RAI1: variants seen among roughly 807,000 people sequenced by gnomAD.
RAI1 encodes the protein retinoic acid-induced protein 1.
A neutral mutation model predicts 123.8 loss-of-function variants in RAI1; 9 were observed. The ratio of observed to expected loss-of-function variants is 0.07; its 90% CI spans 0.04 to 0.13. RAI1 has a LOEUF of 0.13. Ranked by LOEUF, RAI1 falls within the 10% of genes least tolerant of loss-of-function variation. RAI1 has a pLI of 1.00. For synonymous variants in RAI1, 1,231 were observed against 1,127.3 expected (o/e 1.09, Z -1.84); for missense variants, 2,256 against 2,545.8 (o/e 0.89, Z 2.45).
chr17:17,744,185 C>T (rs933515895), intron 2 of RAI1, among the ~76,000 whole-genome samples: 3 of 152,176 alleles, frequency 2.0e-5, no homozygotes, highest in Admixed American at 6.5e-5. Context: ...CACCCCTCTT[C>T]GTCATTAATT....
At chr17:17,701,354 C>T (rs1040852920) in intron 1 of RAI1, among the ~76,000 whole-genome samples, 2 of 152,164 alleles carry the variant, frequency 1.3e-5, no homozygotes, top group Non-Finnish European at 2.9e-5. Context: ...TGATGGGAAC[C>T]TCAGGGAAAC....
At chr17:17,778,710 C>T (rs751162719) in intron 2 of RAI1, 27 of 456,698 alleles carry the variant, frequency 5.9e-5, no homozygotes, top group South Asian at 2.0e-4. Context: ...CCTCCCTTTC[C>T]GGAGCAGAGG....
intron 2 of RAI1, among the ~76,000 whole-genome samples, chr17:17,784,960 T>G (rs1237912211): frequency 6.6e-6 from 1 of 152,042 alleles, no homozygotes; most frequent in African/African-American, 2.4e-5. Flanking sequence ...CTTCCCCACA[T>G]AGTTAAGCCC....
At chr17:17,721,138 G>A (rs1443459220) in intron 1 of RAI1, among the ~76,000 whole-genome samples, 1 of 152,074 alleles carries the variant, frequency 6.6e-6, no homozygotes, top group Non-Finnish European at 1.5e-5. Flanking sequence ...TGAGTCTTCC[G>A]ACATGTCCTG....
intron 2 of RAI1, among the ~76,000 whole-genome samples, chr17:17,725,637 G>A (rs1360545753): frequency 6.6e-6 from 1 of 152,152 alleles, no homozygotes; most frequent in Non-Finnish European, 1.5e-5. Flanking sequence ...GAAGAGCGAA[G>A]GGCTAGCTGG....
At chr17:17,792,398 C>G (rs1450051330) in intron 2 of RAI1, among the ~76,000 whole-genome samples, 1 of 152,180 alleles carries the variant, frequency 6.6e-6, no homozygotes, top group Admixed American at 6.5e-5. Context: ...GGGGCAGACC[C>G]TCCTCAGTCC....
chr17:17,718,647 A>T (rs956825123), intron 1 of RAI1, among the ~76,000 whole-genome samples: 2 of 151,994 alleles, frequency 1.3e-5, no homozygotes. Context: ...TTGGTCTGGG[A>T]GACAAAACCG....
In RAI1 at chr17:17,752,970, G is replaced by A. The variant is rs570818275; in HGVS notation, c.-17+28811G>A. ...TGTTGTTGAATGCCTCCATTCATCA[G>A]GTTGCCTGAGGCTTCCTTGGTGGGT... On this transcript the variant is annotated intron_variant, in intron 2 of 5. Coordinates refer to ENST00000353383, the MANE Select transcript of RAI1 (RefSeq NM_030665.4). Among the ~76,000 whole-genome samples, 5 of 152,376 alleles carry A rather than the reference G, an allele frequency of 3.3e-5. No homozygotes were observed. The South Asian group carries it at 6.2e-4, about 19-fold the overall frequency.
chr17:17,696,066 A>C (rs1307688490), intron 1 of RAI1, among the ~76,000 whole-genome samples: 1 of 152,230 alleles, frequency 6.6e-6, no homozygotes. Flanking sequence ...CCCAGTCCTA[A>C]GCATTTTGTT....
intron 3 of RAI1, among the ~76,000 whole-genome samples, chr17:17,803,349 A>G (rs940767339): frequency 1.6e-4 from 25 of 152,246 alleles, no homozygotes; most frequent in Non-Finnish European, 2.9e-4. Flanking sequence ...CAGGGACCAC[A>G]GGGGGCCAGC....
chr17:17,689,721 A>G (rs1009662712), intron 1 of RAI1, among the ~76,000 whole-genome samples: 1 of 152,154 alleles, frequency 6.6e-6, no homozygotes, highest in African/African-American at 2.4e-5. Flanking sequence ...TGGTTCTGTC[A>G]TCTGTAAAAT....
intron 2 of RAI1, among the ~76,000 whole-genome samples, chr17:17,787,471 T>A (rs2031865943): frequency 6.6e-6 from 1 of 152,206 alleles, no homozygotes; most frequent in Non-Finnish European, 1.5e-5. Flanking sequence ...AAAAAAAAAT[T>A]ATTGTCCACA....
At chr17:17,724,840 G>T (rs1916025310) in intron 2 of RAI1, among the ~76,000 whole-genome samples, 1 of 152,154 alleles carries the variant, frequency 6.6e-6, no homozygotes, top group Non-Finnish European at 1.5e-5. Flanking sequence ...GCGGCTTCCG[G>T]ATCTGGACAG....
At chr17:17,763,632 C>T (rs950524241) in intron 2 of RAI1, among the ~76,000 whole-genome samples, 1 of 152,218 alleles carries the variant, frequency 6.6e-6, no homozygotes, top group Non-Finnish European at 1.5e-5. Context: ...CATAAAAGAA[C>T]CTGGTGCATT....
intron 2 of RAI1, among the ~76,000 whole-genome samples, 170 bp from the exon 3 acceptor site, chr17:17,792,763 G>T (rs1031542118): frequency 2.7e-5 from 4 of 147,314 alleles, no homozygotes; most frequent in African/African-American, 1.0e-4. Context: ...GGCGAAGGGG[G>T]GACTATTAAG....
rs1478196333 is a variant in RAI1 at position 17,698,862 on chromosome 17, GAC to G, written c.-149+17075_-149+17076del. Reference sequence around the variant, plus strand: ...ACTGAGATCAGCCATGATCTGGATGGACACACAAAATCCCTGCCCTTGAGGGA... The same window carrying G: ...ACTGAGATCAGCCATGATCTGGATGGACACAAAATCCCTGCCCTTGAGGGA... On this transcript the variant is annotated intron_variant, in intron 1 of 5. Coordinates refer to ENST00000353383, the MANE Select transcript of RAI1 (RefSeq NM_030665.4). Among the ~76,000 whole-genome samples, 4 of 152,232 alleles carry G rather than the reference GAC, an allele frequency of 2.6e-5. No individual in the cohort carries two copies. In the East Asian group the frequency reaches 7.7e-4, roughly 29 times the overall value.
chr17:17,706,022 CAAAAAAAAAAAA>C (rs1197967787), intron 1 of RAI1, among the ~76,000 whole-genome samples: 8 of 37,386 alleles, frequency 2.1e-4, no homozygotes, highest in East Asian at 8.3e-4. Context: ...GACTCTGTCT[CAAAAAAAAAAAA>C]AAAAAAAAAA....
At position 17,801,509 on chromosome 17, in the gene RAI1, A is replaced by C. The variant is rs2032461667; in HGVS notation, c.5566-2247A>C. 6.6e-6 allele frequency among the ~76,000 whole-genome samples: 1 copy of C among 152,152 alleles called. No homozygotes were observed. The highest frequency in any genetic ancestry group is 2.4e-5 in the African/African-American group (1 of 41,422). On this transcript the variant is annotated intron_variant, in intron 3 of 5. Transcript: ENST00000353383. The surrounding 1 kb of genome is among the most constrained non-coding windows in gnomAD (Gnocchi z 4.1). ...AGCCAGAGGACCCCCATATGCTTAA[A>C]CATCCAGACACCAAGGGCCACTCAC...
intron 2 of RAI1, among the ~76,000 whole-genome samples, chr17:17,729,730 T>C (rs2142945213): frequency 6.6e-6 from 1 of 152,338 alleles, no homozygotes; most frequent in East Asian, 1.9e-4. Flanking sequence ...AGGGCACTTG[T>C]GTGTTGCCAC....
Sources: gnomAD v4.1 joint callset for allele counts (sites outside exome capture counted in the v4.1 genomes callset) on GRCh38, gnomAD v4.1.1 for gene constraint, Gnocchi (gnomAD v3.1) non-coding constraint, MANE v1.5 for transcripts, NCBI Gene and HGNC (gene_info 2026-07-23, HGNC 2026-07-21) for gene names.